IGF1R: variants seen among roughly 807,000 people sequenced by gnomAD.
The protein encoded by IGF1R is insulin-like growth factor 1 receptor.
IGF1R carries 44 observed loss-of-function variants against 144.6 expected under a neutral mutation model. That is an observed-to-expected ratio of 0.30 (90% CI 0.24 to 0.39). The LOEUF (loss-of-function observed/expected upper bound fraction) is 0.39. IGF1R is among the 10% of genes least tolerant of loss of function. IGF1R has a pLI of 1.00. For synonymous variants in IGF1R, 795 were observed against 722.8 expected, an observed-to-expected ratio of 1.10 and a Z score of -1.60; for missense variants, 1,355 against 1,833.7, an observed-to-expected ratio of 0.74 and a Z score of 4.77.
chr15:98,940,875 G>C (rs1356140630), intron 18 of IGF1R, among the ~76,000 whole-genome samples: 1 of 152,224 alleles, frequency 6.6e-6, no homozygotes, highest in Non-Finnish European at 1.5e-5. Context: ...CCTCACGTTT[G>C]GTGCTCTGTG....
intron 2 of IGF1R, among the ~76,000 whole-genome samples, chr15:98,780,577 AG>A (rs1362231844): frequency 0.03 from 274 of 9,228 alleles, 30 homozygotes; most frequent in African/African-American, 0.044. Context: ...AAAAAAAAAG[AG>A]AGAGAGAGTA....
At chr15:98,942,052 A>T (rs1422118234) in intron 18 of IGF1R, among the ~76,000 whole-genome samples, 1 of 152,216 alleles carries the variant, frequency 6.6e-6, no homozygotes, top group Admixed American at 6.5e-5. Context: ...GAAAAACAGT[A>T]TTGAGTAATA....
chr15:98,672,454 C>T (rs1177963629), intron 1 of IGF1R, among the ~76,000 whole-genome samples: 1 of 151,630 alleles, frequency 6.6e-6, no homozygotes, highest in African/African-American at 2.4e-5. Flanking sequence ...CCTGTAGTCC[C>T]AGCTACTCGG....
intron 1 of IGF1R, among the ~76,000 whole-genome samples, chr15:98,706,247 C>A (rs2053859079): frequency 6.6e-6 from 1 of 152,260 alleles, no homozygotes; most frequent in African/African-American, 2.4e-5. Context: ...TGGTATCATA[C>A]ATGTTGGGTG....
intron 2 of IGF1R, among the ~76,000 whole-genome samples, chr15:98,871,199 A>G (rs2012768007): frequency 6.6e-6 from 1 of 152,266 alleles, no homozygotes; most frequent in Admixed American, 6.5e-5. Context: ...CAAGCATCCA[A>G]GTTGTTCCGG....
intron 1 of IGF1R, among the ~76,000 whole-genome samples, chr15:98,680,802 T>G (rs2053167655): frequency 6.6e-6 from 1 of 152,064 alleles, no homozygotes; most frequent in African/African-American, 2.4e-5. Context: ...GAACTCTTGG[T>G]GTCAAGCAAG....
intron 2 of IGF1R, among the ~76,000 whole-genome samples, chr15:98,868,109 C>T (rs1057465309): frequency 6.6e-6 from 1 of 151,946 alleles, no homozygotes; most frequent in African/African-American, 2.4e-5. Flanking sequence ...AGTGTTTGAA[C>T]CCGGGAGTTG....
intron 12 of IGF1R, 90 bp downstream of exon 12, chr15:98,924,102 C>A: frequency 7.9e-7 from 1 of 1,271,232 alleles, no homozygotes; most frequent in Non-Finnish European, 1.2e-6. Flanking sequence ...TCCTGGTTAG[C>A]ATAGGACTTA....
At chr15:98,715,954 T>G (rs2054104312) in intron 2 of IGF1R, among the ~76,000 whole-genome samples, 1 of 152,174 alleles carries the variant, frequency 6.6e-6, no homozygotes, top group African/African-American at 2.4e-5. Flanking sequence ...GCACAGATGA[T>G]CTGCAGAACT....
intron 2 of IGF1R, among the ~76,000 whole-genome samples, chr15:98,736,609 TCTTTTTTC>T: frequency 6.7e-6 from 1 of 148,682 alleles, no homozygotes; most frequent in East Asian, 2.0e-4. Flanking sequence ...TTTTCTTTTT[TCTTTTTTC>T]TTTTTTTTTT....
chr15:98,813,359 C>T (rs2056632834), intron 2 of IGF1R, among the ~76,000 whole-genome samples: 1 of 152,206 alleles, frequency 6.6e-6, no homozygotes, highest in African/African-American at 2.4e-5. Flanking sequence ...ATTGCCCTAC[C>T]TTAATCACCC....
intron 2 of IGF1R, among the ~76,000 whole-genome samples, chr15:98,776,346 G>A (rs932401053): frequency 2.0e-5 from 3 of 151,866 alleles, no homozygotes; most frequent in African/African-American, 4.8e-5. Context: ...CACCATGCCG[G>A]GCTAATTTTT....
At chr15:98,881,790 G>A (rs185021465) in intron 2 of IGF1R, among the ~76,000 whole-genome samples, 1 of 152,336 alleles carries the variant, frequency 6.6e-6, no homozygotes, top group East Asian at 1.9e-4. Context: ...TACAAATGAG[G>A]ATAATGATAC....
At position 98,649,527 on chromosome 15, in the gene IGF1R, T is replaced by TTTC; in HGVS notation, c.-53_-52insCTT. On this transcript the variant is annotated 5_prime_UTR_variant, in exon 1 of 21. Transcript: ENST00000650285. ...ATTTCCTTTTTTTCTTTTCTTTTCT[T>TTTC]TTTTTTTTTTTTTTTTTTTTTTGAG... 4.2e-5 allele frequency: 3 copies of TTTC among 70,608 alleles called. No individual in the cohort carries two copies. The highest frequency in any genetic ancestry group is 4.1e-4 in the Admixed American group (2 of 4,848). The allele number at this position is 70,608 out of a possible 1,614,324, so 4.4% of individuals were successfully genotyped here. A position where few individuals can be genotyped will look rare whatever the true frequency, so the allele number is the denominator to read the frequency against.
At chr15:98,924,195 G>A (rs559480893) in intron 12 of IGF1R, among the ~76,000 whole-genome samples, 183 bp downstream of exon 12, 8 of 152,256 alleles carry the variant, frequency 5.3e-5, no homozygotes, top group Non-Finnish European at 1.2e-4. Context: ...TGCATAGTGT[G>A]CAAAGAGCTA....
chr15:98,700,100 T>C (rs966266427), intron 1 of IGF1R, among the ~76,000 whole-genome samples: 1 of 152,240 alleles, frequency 6.6e-6, no homozygotes, highest in African/African-American at 2.4e-5. Context: ...GTGTTTGTTA[T>C]CATAACATTG....
Position 98,677,176 on chromosome 15 carries a change from A to T in IGF1R, c.94+27501A>T, listed in dbSNP as rs144985295. On this transcript the variant is annotated intron_variant, in intron 1 of 20. Transcript: ENST00000650285. ...GGTCTCAAACTCATGACCTCAAGTG[A>T]TCCTCCCACCTTCACCTCCCAAAGT... Among the ~76,000 whole-genome samples the T allele has an allele frequency of 8.0e-4, 121 of 152,070 alleles. 2 individuals are homozygous for T. The East Asian group carries it at 0.016, about 20-fold the overall frequency.
At chr15:98,698,690 A>G (rs1383985467) in intron 1 of IGF1R, among the ~76,000 whole-genome samples, 1 of 152,206 alleles carries the variant, frequency 6.6e-6, no homozygotes, top group African/African-American at 2.4e-5. Context: ...GTGGTTGGTG[A>G]TGGATCCAAG....
chr15:98,928,637 G>A (rs1546713), intron 13 of IGF1R, among the ~76,000 whole-genome samples: 42,133 of 152,034 alleles, frequency 0.28, 6,109 homozygotes, highest in East Asian at 0.33. Flanking sequence ...TTTCCCTTGG[G>A]GAGGTTCCCT....
Sources: allele counts gnomAD v4.1 joint callset (sites outside exome capture counted in the v4.1 genomes callset), GRCh38; gene constraint gnomAD v4.1.1; transcripts MANE v1.5; gene names NCBI Gene and HGNC (gene_info 2026-07-23, HGNC 2026-07-21).